The following ASAP2 variants were observed in gnomAD, a reference collection of about 807,000 sequenced individuals.
ASAP2 encodes ArfGAP with SH3 domain, ankyrin repeat and PH domain 2, also known as arf-GAP with SH3 domain, ANK repeat and PH domain-containing protein 2.
ASAP2 carries 45 observed loss-of-function variants against 131.4 expected under a neutral mutation model. That is an observed-to-expected ratio of 0.34 (90% CI 0.27 to 0.44). The LOEUF (loss-of-function observed/expected upper bound fraction) is 0.44, where lower values mean the gene tolerates loss of function less well. Ranked by LOEUF, ASAP2 falls within the 20% of genes least tolerant of loss-of-function variation. ASAP2 has a pLI of 1.00. For synonymous variants in ASAP2, 510 were observed against 503.0 expected, an observed-to-expected ratio of 1.01 and a Z score of -0.19; for missense variants, 1,011 against 1,297.0, an observed-to-expected ratio of 0.78 and a Z score of 3.39.
At position 9,378,924 on chromosome 2, in the gene ASAP2, C is replaced by T. The variant is rs1674613435; in HGVS notation, c.1833-20C>T. ...GCCTGTGACACACTATGCTCTCTCT[C>T]TGTTCCTGTTCTCGGGCAGTGGGAA... On this transcript the variant is annotated intron_variant, in intron 18 of 27. Transcript: ENST00000281419. The T allele has an allele frequency of 2.1e-6, 3 of 1,419,070 alleles. No homozygotes were observed. Among genetic ancestry groups the T allele is most frequent in the Non-Finnish European group, 2.8e-6 (3 of 1,072,966 alleles). The allele number at this position is 1,419,070 out of a possible 1,614,324, so 87.9% of individuals were successfully genotyped here. A position where few individuals can be genotyped will look rare whatever the true frequency, so the allele number is the denominator to read the frequency against.
chr2:9,358,826 G>A lies in ASAP2; in HGVS notation c.1398G>A (p.Leu466=). ...AGTGTTCCGGAATCCACCGAGAGCT[G>A]GGGGTTCATTATTCCAGGATGCAGT... The part of the protein sequence containing the change: ...CIECSGIHRE[L]GVHYSRMQSL... The change falls in exon 15 of 28, where the codon CTG becomes CTA. Residue 466 remains leucine (L), a synonymous_variant. Coordinates refer to ENST00000281419, the MANE Select transcript of ASAP2 (RefSeq NM_003887.3). 6.2e-7 allele frequency: 1 copy of A among 1,613,520 alleles called. No homozygotes were observed. Among genetic ancestry groups the A allele is most frequent in the Non-Finnish European group, 8.5e-7 (1 of 1,179,824 alleles).
At chr2:9,326,912 T>C (rs1182066654) in intron 6 of ASAP2, among the ~76,000 whole-genome samples, 3 of 152,206 alleles carry the variant, frequency 2.0e-5, no homozygotes, top group Non-Finnish European at 4.4e-5. Flanking sequence ...TAGAATAAAT[T>C]CCTGGGAGTA....
chr2:9,368,569 G>GC, intron 16 of ASAP2, 50 bp downstream of exon 16: 1 of 1,544,610 alleles, frequency 6.5e-7, no homozygotes, highest in Non-Finnish European at 8.9e-7. Flanking sequence ...GTTTGCCTTT[G>GC]CCCGAGCCCC....
rs940813919 is a variant in ASAP2 at position 9,254,462 on chromosome 2, C to T, written c.127-24855C>T. 2.1e-5 allele frequency among the ~76,000 whole-genome samples: 3 copies of T among 145,578 alleles called. 1 individual carries two copies. Among genetic ancestry groups the T allele is most frequent in the African/African-American group, 7.6e-5 (3 of 39,374 alleles). Reference sequence around the variant, plus strand: ...CTGTCTCCCGGGTTCAAGCAATTCTCCTGCCTCAGCCTCCCAAGTAGCTGG... The same window carrying T: ...CTGTCTCCCGGGTTCAAGCAATTCTTCTGCCTCAGCCTCCCAAGTAGCTGG... On this transcript the variant is annotated intron_variant, in intron 1 of 27. Coordinates refer to ENST00000281419, the MANE Select transcript of ASAP2 (RefSeq NM_003887.3).
intron 2 of ASAP2, among the ~76,000 whole-genome samples, chr2:9,289,934 A>C (rs1282867202): frequency 2.6e-5 from 4 of 152,072 alleles, no homozygotes; most frequent in African/African-American, 4.8e-5. Flanking sequence ...ATGGGTATTG[A>C]AAGTGGAACA....
intron 1 of ASAP2, among the ~76,000 whole-genome samples, chr2:9,237,414 CT>C (rs35375516): frequency 2.5e-3 from 334 of 131,926 alleles, no homozygotes; most frequent in South Asian, 4.0e-3. Context: ...GTCTTTTGGT[CT>C]TTTTTTTTTT....
intron 2 of ASAP2, among the ~76,000 whole-genome samples, chr2:9,286,447 A>ATATATATATAT (rs1553304560): frequency 2.0e-5 from 3 of 148,490 alleles, no homozygotes; most frequent in African/African-American, 7.6e-5. Flanking sequence ...GAAAAAAAAA[A>ATATATATATAT]ATATATATAT....
At position 9,368,610 on chromosome 2, in the gene ASAP2, C is replaced by T. The variant is rs1673669661; in HGVS notation, c.1556+91C>T. On this transcript the variant is annotated intron_variant, in intron 16 of 27. Transcript: ENST00000281419. ...GCAGGGGAATAAGAAGTTTTGGGTG[C>T]ATCCATCGTTGCTTCTTTAGGGAAT... is the stretch of plus-strand genomic sequence containing the variant. 4.3e-5 allele frequency: 45 copies of T among 1,049,322 alleles called. No homozygotes were observed. The South Asian group carries it at 5.6e-4, about 13-fold the overall frequency. 65.0% of individuals were successfully genotyped at this position (1,049,322 alleles called of 1,614,324 possible).
At chr2:9,376,263 G>A (rs10181930) in intron 17 of ASAP2, among the ~76,000 whole-genome samples, 6,149 of 152,306 alleles carry the variant, frequency 0.04, 352 homozygotes, top group African/African-American at 0.12. Flanking sequence ...CAGGCGGCCT[G>A]GGAAGCACCT....
At chr2:9,249,158 T>C (rs1254366439) in intron 1 of ASAP2, among the ~76,000 whole-genome samples, 4 of 152,242 alleles carry the variant, frequency 2.6e-5, no homozygotes, top group African/African-American at 7.2e-5. Flanking sequence ...GCTGGCCCTC[T>C]TGGGGCCTCC....
At chr2:9,279,907 A>G (rs1572340419) in intron 2 of ASAP2, among the ~76,000 whole-genome samples, 1 of 152,340 alleles carries the variant, frequency 6.6e-6, no homozygotes, top group East Asian at 1.9e-4. Flanking sequence ...TTTTAAACCC[A>G]TGCAACTTTT....
intron 2 of ASAP2, among the ~76,000 whole-genome samples, chr2:9,290,193 GTTATTTATTTAT>G (rs141692216): frequency 1.3e-5 from 2 of 151,938 alleles, no homozygotes; most frequent in African/African-American, 2.4e-5. Context: ...ATATTCTAAT[GTTATTTATTTAT>G]TTATTTATTT....
chr2:9,227,246 A>G (rs1231108770), intron 1 of ASAP2, among the ~76,000 whole-genome samples: 2 of 152,066 alleles, frequency 1.3e-5, no homozygotes, highest in Admixed American at 1.3e-4. Context: ...CTCAGCCCCC[A>G]ATCCTAAGGG....
intron 6 of ASAP2, 42 bp from the exon 7 acceptor site, chr2:9,327,784 T>G: frequency 6.8e-7 from 1 of 1,467,420 alleles, no homozygotes; most frequent in Non-Finnish European, 9.3e-7. Context: ...TAAACTCGTA[T>G]TCTGCTTACT....
chr2:9,400,854 G>A, intron 26 of ASAP2, 24 bp downstream of exon 26: 1 of 1,604,056 alleles, frequency 6.2e-7, no homozygotes, highest in Non-Finnish European at 8.5e-7. Context: ...CCCCTTTCCT[G>A]CCTCTCTGCT....
At chr2:9,327,976 A>G (rs762093442) in intron 7 of ASAP2, 65 bp downstream of exon 7, 34 of 1,227,628 alleles carry the variant, frequency 2.8e-5, no homozygotes, top group Middle Eastern at 2.0e-4. Flanking sequence ...TGGTAGATCT[A>G]TAGATAGCTC....
chr2:9,390,442 C>G (rs1302084193), intron 22 of ASAP2, among the ~76,000 whole-genome samples: 2 of 152,222 alleles, frequency 1.3e-5, no homozygotes, highest in African/African-American at 2.4e-5. Context: ...CCCTGTGCAC[C>G]TGAGCTTGGA....
chr2:9,356,807 T>A (rs569534329), intron 14 of ASAP2, among the ~76,000 whole-genome samples: 13 of 152,288 alleles, frequency 8.5e-5, no homozygotes, highest in South Asian at 8.3e-4. Context: ...AAACATCGAT[T>A]TTCCTGTCTG....
intron 16 of ASAP2, among the ~76,000 whole-genome samples, chr2:9,373,162 T>C (rs1035090789): frequency 6.6e-6 from 1 of 152,060 alleles, no homozygotes; most frequent in African/African-American, 2.4e-5. Context: ...CGCCTTAACC[T>C]AGGCCCTGTA....
Sources: allele counts gnomAD v4.1 joint callset (sites outside exome capture counted in the v4.1 genomes callset), GRCh38; gene constraint gnomAD v4.1.1; transcripts MANE v1.5; gene names NCBI Gene and HGNC (gene_info 2026-07-23, HGNC 2026-07-21).